TTC5: variants seen among roughly 807,000 people sequenced by gnomAD.
TTC5 encodes the protein tetratricopeptide repeat domain 5.
In TTC5, 46 loss-of-function variants were observed where a neutral mutation model predicts 57.4. The observed-to-expected ratio is 0.80, with a 90% CI of 0.63 to 1.03. The LOEUF is 1.03. Ranked by LOEUF, TTC5 falls within the 50% of genes least tolerant of loss-of-function variation. The pLI is 0.00. For synonymous variants in TTC5, 190 were observed against 203.5 expected, an observed-to-expected ratio of 0.93 and a Z score of 0.57; for missense variants, 504 against 528.1, an observed-to-expected ratio of 0.95 and a Z score of 0.45.
chr14:20,302,426 C>T (rs1350299260), intron 1 of TTC5, among the ~76,000 whole-genome samples: 1 of 152,162 alleles, frequency 6.6e-6, no homozygotes, highest in South Asian at 2.1e-4. Context: ...ATGCTGAGAT[C>T]TGAAAATACA....
chr14:20,289,610 A>G lies in TTC5; in HGVS notation c.*17T>C, dbSNP rs977049970. The stretch of plus-strand genomic sequence containing the variant: ...GTCTCCTCTCCTCCACTCCCTGTTG[A>G]GCATGCAAGTCAAAGGTCATTCACA... On this transcript the variant is annotated 3_prime_UTR_variant, in exon 10 of 10. Coordinates refer to ENST00000258821, the MANE Select transcript of TTC5 (RefSeq NM_138376.3). 3.1e-6 allele frequency: 5 copies of G among 1,607,030 alleles called. No individual in the cohort carries two copies. Among genetic ancestry groups the G allele is most frequent in the Non-Finnish European group, 4.3e-6 (5 of 1,176,326 alleles).
At chr14:20,302,797 C>T (rs932496144) in intron 1 of TTC5, among the ~76,000 whole-genome samples, 29 of 152,204 alleles carry the variant, frequency 1.9e-4, no homozygotes, top group Admixed American at 2.6e-4. Flanking sequence ...AGTCAAAATG[C>T]GGTCAAAACG....
chr14:20,304,093 G>C (rs1006520832), intron 1 of TTC5, among the ~76,000 whole-genome samples: 6 of 151,834 alleles, frequency 4.0e-5, no homozygotes, highest in African/African-American at 4.8e-5. Context: ...ATTGTCTATT[G>C]TCTGCCTCCA....
At chr14:20,297,051 G>T (rs1008133254) in intron 5 of TTC5, among the ~76,000 whole-genome samples, 1 of 152,110 alleles carries the variant, frequency 6.6e-6, no homozygotes, top group Non-Finnish European at 1.5e-5. Context: ...AAATCATTTT[G>T]ATTTTTAAAA....
At chr14:20,289,867 C>T in intron 9 of TTC5, 121 bp from the exon 10 acceptor site, 1 of 1,062,352 alleles carries the variant, frequency 9.4e-7, no homozygotes, top group Non-Finnish European at 1.3e-6. Flanking sequence ...CCCTCTACTT[C>T]CATCTCACAT....
chr14:20,301,528 A>G (rs1882190178), intron 2 of TTC5, among the ~76,000 whole-genome samples: 1 of 151,468 alleles, frequency 6.6e-6, no homozygotes, highest in Non-Finnish European at 1.5e-5. Context: ...ATGATTTAGA[A>G]AGATAGCCAT....
intron 8 of TTC5, chr14:20,294,531 A>C (rs1170488190): frequency 6.6e-6 from 1 of 152,238 alleles, no homozygotes; most frequent in Non-Finnish European, 1.5e-5. Context: ...TGTGAAAAGC[A>C]ATAGTGAGAG....
chr14:20,288,267 C>A lies in TTC5; in HGVS notation c.*1360G>T, dbSNP rs2138800938. ...TCTACCATCCATTCTCTGAGGAGGC[C>A]TCTGCACTCTTTATAAATTTAATGA... On this transcript the variant is annotated 3_prime_UTR_variant, in exon 10 of 10. Transcript: ENST00000258821. 6.6e-6 allele frequency: 1 copy of A among 152,300 alleles called. No individual in the cohort carries two copies. The highest frequency in any genetic ancestry group is 6.5e-5 in the Admixed American group (1 of 15,302). 9.4% of individuals were successfully genotyped at this position (152,300 alleles called of 1,614,324 possible). A position where few individuals can be genotyped will look rare whatever the true frequency, so the allele number is the denominator to read the frequency against.
intron 4 of TTC5, 49 bp downstream of exon 4, chr14:20,299,249 G>A: frequency 6.3e-7 from 1 of 1,591,310 alleles, no homozygotes; most frequent in Non-Finnish European, 8.6e-7. Flanking sequence ...TGCTCTGATT[G>A]AAAACATCTG....
intron 8 of TTC5, 41 bp from the exon 9 acceptor site, chr14:20,292,168 G>C (rs775520390): frequency 7.1e-7 from 1 of 1,415,240 alleles, no homozygotes; most frequent in East Asian, 2.6e-5. Flanking sequence ...AAAACAAAAA[G>C]GTATGTGGGT....
At chr14:20,300,349 C>T in intron 3 of TTC5, 1 of 416,334 alleles carries the variant, frequency 2.4e-6, no homozygotes, top group Non-Finnish European at 4.3e-6. Flanking sequence ...CAACCCCCAT[C>T]CACAGGGATC....
At chr14:20,296,032 G>C (rs1361764538) in intron 6 of TTC5, among the ~76,000 whole-genome samples, 178 bp from the exon 7 acceptor site, 3 of 152,188 alleles carry the variant, frequency 2.0e-5, no homozygotes, top group Non-Finnish European at 4.4e-5. Context: ...TAGCCAAGAT[G>C]ATCACAACCC....
chr14:20,295,489 C>G lies in TTC5; in HGVS notation c.881G>C (p.Gly294Ala), dbSNP rs1320032368. The change falls in exon 8 of 10, where the codon GGA becomes GCA. Residue 294 changes from glycine (G) to alanine (A), a missense_variant. Transcript: ENST00000258821. The part of the protein sequence containing the change: ...VKTKKLQSML[G>A]SLRPAHLGPC... Reference sequence around the variant, plus strand: ...GCCTAGATGGGCTGGGCGCAAGCTTCCCAGCATGCTCTGCAGCTTTTTGGT... The same window carrying G: ...GCCTAGATGGGCTGGGCGCAAGCTTGCCAGCATGCTCTGCAGCTTTTTGGT... The G allele has an allele frequency of 6.2e-7, 1 of 1,613,550 alleles. No homozygotes were observed. The highest frequency in any genetic ancestry group is 8.5e-7 in the Non-Finnish European group (1 of 1,179,612).
At position 20,295,757 on chromosome 14, in the gene TTC5, T is replaced by TA. The variant is rs1404436482; in HGVS notation, c.793_794insT (p.Gln265LeufsTer9). 1 of 1,613,928 alleles carries TA rather than the reference T, an allele frequency of 6.2e-7. No homozygotes were observed. The highest frequency in any genetic ancestry group is 2.2e-5 in the East Asian group (1 of 44,896). On this transcript the variant is annotated frameshift_variant, in exon 7 of 10. Transcript: ENST00000258821. LOFTEE classifies it high-confidence loss of function. Reference sequence around the variant, plus strand: ...TCTATCCAGGAATTCCAGAAGTTGTTGCTCTCGTTGCCGGGGCTCTGGCCA... The same window carrying TA: ...TCTATCCAGGAATTCCAGAAGTTGTTAGCTCTCGTTGCCGGGGCTCTGGCCA...
intron 5 of TTC5, 107 bp downstream of exon 5, chr14:20,298,690 C>T (rs1882117044): frequency 1.7e-5 from 13 of 750,226 alleles, no homozygotes; most frequent in Admixed American, 2.7e-5. Flanking sequence ...TGCCAGCAAA[C>T]ACTGCCACTG....
At chr14:20,300,143 G>GTGTGTGTGTGTATATATATATA (rs370417927) in intron 3 of TTC5, among the ~76,000 whole-genome samples, 1 of 27,148 alleles carries the variant, frequency 3.7e-5, no homozygotes, top group Admixed American at 4.6e-4. Context: ...TCTGGTCCAT[G>GTGTGTGTGTGTATATATATATA]TATATATATA....
intron 5 of TTC5, 51 bp from the exon 6 acceptor site, chr14:20,296,497 C>A: frequency 4.2e-6 from 6 of 1,416,740 alleles, no homozygotes; most frequent in Non-Finnish European, 6.0e-6. Context: ...ATGTTAAGGA[C>A]TGACATGCCC....
intron 2 of TTC5, 113 bp from the exon 3 acceptor site, chr14:20,300,931 T>C (rs1249143501): frequency 1.7e-5 from 14 of 807,908 alleles, no homozygotes; most frequent in Non-Finnish European, 2.7e-5. Flanking sequence ...TTGGGGAAAA[T>C]ATTTATCAAT....
At chr14:20,305,746 C>T (rs866275722) in intron 1 of TTC5, 141 bp downstream of exon 1, 4 of 850,410 alleles carry the variant, frequency 4.7e-6, no homozygotes, top group Non-Finnish European at 7.6e-6. Context: ...GCGGCTGCAC[C>T]CTCGAGGGTT....
Sources: gnomAD v4.1 joint callset for allele counts (sites outside exome capture counted in the v4.1 genomes callset) on GRCh38, gnomAD v4.1.1 for gene constraint, MANE v1.5 for transcripts, NCBI Gene and HGNC (gene_info 2026-07-23, HGNC 2026-07-21) for gene names.